Variants in CYP19A1 observed in about 807,000 individuals in gnomAD.
CYP19A1 encodes cytochrome P450 family 19 subfamily A member 1.
In CYP19A1, 32 loss-of-function variants were observed where a neutral mutation model predicts 44.4. That is an observed-to-expected ratio of 0.72 (90% CI 0.54 to 0.97). The LOEUF is 0.97. Among genes scored for constraint, CYP19A1 ranks in the 50% least tolerant of loss-of-function variants. The probability of loss-of-function intolerance (pLI) is 0.00; values close to 1 mark genes in which losing one functional copy is unlikely to be tolerated. For synonymous variants in CYP19A1, 212 were observed against 215.6 expected, an observed-to-expected ratio of 0.98 and a Z score of 0.14; for missense variants, 598 against 637.8, an observed-to-expected ratio of 0.94 and a Z score of 0.67.
At chr15:51,312,880 CT>C (rs1302033593) in intron 1 of CYP19A1, 1 of 152,270 alleles carries the variant, frequency 6.6e-6, no homozygotes, top group African/African-American at 2.4e-5. Context: ...GGGTGCAGGG[CT>C]TTAACTCAAG....
chr15:51,215,291 G>A, intron 7 of CYP19A1, 59 bp from the exon 8 acceptor site: 1 of 1,611,938 alleles, frequency 6.2e-7, no homozygotes. Context: ...CAAAAAATGA[G>A]GGGAGGTGAC....
At chr15:51,336,194 T>G (rs563953414) in intron 1 of CYP19A1, among the ~76,000 whole-genome samples, 41 of 152,316 alleles carry the variant, frequency 2.7e-4, no homozygotes, top group Admixed American at 1.5e-3. Context: ...AATTGCACCC[T>G]CATGTCTAAT....
intron 7 of CYP19A1, 152 bp from the exon 8 acceptor site, chr15:51,215,384 A>G (rs1198584381): frequency 2.2e-6 from 3 of 1,337,230 alleles, no homozygotes; most frequent in Non-Finnish European, 3.1e-6. Context: ...TTACATGACA[A>G]TCTTTAGCTG....
chr15:51,236,901 A>C lies in CYP19A1; in HGVS notation c.254T>G (p.Met85Arg), dbSNP rs779820447. The change falls in exon 3 of 10, where the codon ATG (methionine) becomes AGG (arginine). Residue 85 changes from methionine to arginine, a missense_variant. Met to Arg is a moderately conservative substitution (Grantham distance 91). Coordinates refer to ENST00000396402, the MANE Select transcript of CYP19A1 (RefSeq NM_000103.4). Reference protein sequence around the residue: ...NYYNRVYGEFMRVWISGEETL... With the variant: ...NYYNRVYGEFRRVWISGEETL... ...TTCCTCTCCAGAGATCCAGACTCGC[A>C]TGAATTCTCCATATACCCGGTTGTA... 1.1e-5 allele frequency: 18 copies of C among 1,614,088 alleles called. No homozygotes were observed. The highest frequency in any genetic ancestry group is 1.4e-5 in the Non-Finnish European group (16 of 1,180,038).
At chr15:51,226,420 T>C (rs1329500999) in intron 4 of CYP19A1, among the ~76,000 whole-genome samples, 2 of 152,222 alleles carry the variant, frequency 1.3e-5, no homozygotes, top group Non-Finnish European at 2.9e-5. Context: ...TTTAAGCCAC[T>C]TAGTTTGTGG....
intron 1 of CYP19A1, among the ~76,000 whole-genome samples, chr15:51,263,898 A>C (rs1231922950): frequency 6.6e-6 from 1 of 152,240 alleles, no homozygotes; most frequent in East Asian, 1.9e-4. Flanking sequence ...ATGAAGTTGG[A>C]GCCATGCCAA....
At chr15:51,285,790 A>G (rs1217068014) in intron 1 of CYP19A1, among the ~76,000 whole-genome samples, 1 of 152,214 alleles carries the variant, frequency 6.6e-6, no homozygotes, top group African/African-American at 2.4e-5. Context: ...TCCAGAGCTC[A>G]GGGCCTTCAC....
At chr15:51,330,076 G>T (rs1386983215) in intron 1 of CYP19A1, among the ~76,000 whole-genome samples, 1 of 152,152 alleles carries the variant, frequency 6.6e-6, no homozygotes, top group African/African-American at 2.4e-5. Context: ...GAGCATGATA[G>T]TGGCAAGGAG....
Position 51,242,755 on chromosome 15 carries a change from A to G in CYP19A1, c.145+13T>C. ...ATAATCTCCTTAGATACAGAAATAA[A>G]TGACTGACTTACCTGGTATTGAGGA... is the stretch of plus-strand genomic sequence containing the variant. On this transcript the variant is annotated intron_variant, in intron 2 of 9. Coordinates refer to ENST00000396402, the MANE Select transcript of CYP19A1 (RefSeq NM_000103.4). 6.7e-7 allele frequency: 1 copy of G among 1,501,900 alleles called. No homozygotes were observed. The highest frequency in any genetic ancestry group is 9.3e-7 in the Non-Finnish European group (1 of 1,077,886). The allele number at this position is 1,501,900 out of a possible 1,614,324, so 93.0% of individuals were successfully genotyped here.
At chr15:51,239,586 C>A (rs1420264299) in intron 2 of CYP19A1, among the ~76,000 whole-genome samples, 2 of 151,350 alleles carry the variant, frequency 1.3e-5, no homozygotes, top group Non-Finnish European at 2.9e-5. Flanking sequence ...TAAAACAAGG[C>A]AAAATTAACC....
At chr15:51,214,737 C>T (rs771328787) in intron 8 of CYP19A1, among the ~76,000 whole-genome samples, 1 of 152,166 alleles carries the variant, frequency 6.6e-6, no homozygotes, top group Non-Finnish European at 1.5e-5. Context: ...AGCAAATACA[C>T]AGCAAACTAT....
intron 1 of CYP19A1, among the ~76,000 whole-genome samples, chr15:51,249,503 T>C (rs570258057): frequency 2.0e-5 from 3 of 152,328 alleles, no homozygotes; most frequent in African/African-American, 7.2e-5. Context: ...CAAGGCACTA[T>C]ATAAATCAGA....
chr15:51,280,171 G>T (rs1366468448), intron 1 of CYP19A1, among the ~76,000 whole-genome samples: 8 of 143,384 alleles, frequency 5.6e-5, no homozygotes, highest in Non-Finnish European at 1.2e-4. Context: ...GCCCAGGCTG[G>T]AGTGCAGTGG....
At chr15:51,296,121 C>A (rs1048439476) in intron 1 of CYP19A1, among the ~76,000 whole-genome samples, 12 of 151,758 alleles carry the variant, frequency 7.9e-5, no homozygotes, top group African/African-American at 2.9e-4. Context: ...CTAGAGCCAG[C>A]ATGAAGGGGA....
intron 1 of CYP19A1, among the ~76,000 whole-genome samples, chr15:51,267,538 C>T (rs1164582915): frequency 6.6e-6 from 1 of 152,158 alleles, no homozygotes; most frequent in Admixed American, 6.5e-5. Flanking sequence ...GCGCCGCCCC[C>T]ACGTCCGTGG....
chr15:51,280,066 C>T (rs1366766917), intron 1 of CYP19A1: 2 of 151,894 alleles, frequency 1.3e-5, no homozygotes, highest in Non-Finnish European at 2.9e-5. Flanking sequence ...AGAGCCCGCT[C>T]TGCTCACATT....
intron 4 of CYP19A1, among the ~76,000 whole-genome samples, chr15:51,227,256 A>G (rs1254293582): frequency 6.6e-6 from 1 of 152,128 alleles, no homozygotes; most frequent in Non-Finnish European, 1.5e-5. Flanking sequence ...TGTGAATTGT[A>G]GGAGATAACA....
intron 8 of CYP19A1, among the ~76,000 whole-genome samples, chr15:51,212,863 C>T (rs921464845): frequency 2.0e-5 from 3 of 152,162 alleles, no homozygotes; most frequent in Admixed American, 6.5e-5. Flanking sequence ...AATGGGCTGA[C>T]GCTGAGTGGC....
At chr15:51,241,439 G>T (rs374852369) in intron 2 of CYP19A1, among the ~76,000 whole-genome samples, 10 of 152,142 alleles carry the variant, frequency 6.6e-5, no homozygotes, top group Admixed American at 1.3e-4. Context: ...GCAATGCTGC[G>T]TGGGCAATGC....
Sources: allele counts gnomAD v4.1 joint callset (sites outside exome capture counted in the v4.1 genomes callset), GRCh38; gene constraint gnomAD v4.1.1; transcripts MANE v1.5; gene names NCBI Gene and HGNC (gene_info 2026-07-23, HGNC 2026-07-21).